The following ITPR1 variants were observed in gnomAD, a reference collection of about 807,000 sequenced individuals.
The protein encoded by ITPR1 is inositol 1,4,5-trisphosphate receptor type 1.
ITPR1 carries 96 observed loss-of-function variants against 318.4 expected under a neutral mutation model. That is an observed-to-expected ratio of 0.30 (90% CI 0.26 to 0.36). The LOEUF (loss-of-function observed/expected upper bound fraction) is 0.36. ITPR1 is among the 10% of genes least tolerant of loss of function. The probability of loss-of-function intolerance (pLI) is 1.00; values close to 1 mark genes in which losing one functional copy is unlikely to be tolerated. For synonymous variants in ITPR1, 1,312 were observed against 1,289.9 expected (o/e 1.02, Z -0.37); for missense variants, 2,440 against 3,460.2 (o/e 0.71, Z 7.40).
At chr3:4,770,135 A>G (rs1465330924) in intron 46 of ITPR1, among the ~76,000 whole-genome samples, 1 of 152,160 alleles carries the variant, frequency 6.6e-6, no homozygotes, top group African/African-American at 2.4e-5. Context: ...GAAAGGAAAT[A>G]ATGCTAGTCC....
At chr3:4,675,845 T>C (rs1435385403) in intron 23 of ITPR1, among the ~76,000 whole-genome samples, 1 of 152,230 alleles carries the variant, frequency 6.6e-6, no homozygotes, top group African/African-American at 2.4e-5. Flanking sequence ...TTGACTTATC[T>C]CTATTTGCTA....
At chr3:4,755,502 G>A (rs547574789) in intron 44 of ITPR1, among the ~76,000 whole-genome samples, 1 of 151,774 alleles carries the variant, frequency 6.6e-6, no homozygotes, top group South Asian at 2.1e-4. Flanking sequence ...GCCTCCGGAA[G>A]TGCTGTGATT....
intron 60 of ITPR1, among the ~76,000 whole-genome samples, chr3:4,823,925 C>T (rs1054329637): frequency 2.6e-5 from 4 of 152,148 alleles, no homozygotes; most frequent in African/African-American, 9.7e-5. Flanking sequence ...ATAGATTTCA[C>T]TTCTATATGT....
At chr3:4,690,650 T>C (rs1269337371) in intron 31 of ITPR1, among the ~76,000 whole-genome samples, 5 of 152,240 alleles carry the variant, frequency 3.3e-5, no homozygotes, top group African/African-American at 9.6e-5. Context: ...ACAGCAACTC[T>C]AGTATTTATA....
In ITPR1 at chr3:4,788,110, A is replaced by G. The variant is rs745310231; in HGVS notation, c.6779A>G (p.Asn2260Ser). The G allele has an allele frequency of 1.0e-5, 16 of 1,606,932 alleles. No homozygotes were observed. Among genetic ancestry groups the G allele is most frequent in the Non-Finnish European group, 1.0e-5 (12 of 1,176,542 alleles). The change falls in exon 52 of 62, where the codon AAT (asparagine) becomes AGT (serine). Residue 2260 changes from asparagine (N) to serine (S), a missense_variant. Physicochemically the swap from Asn to Ser is conservative, Grantham distance 46. Around this residue, in one of 23 missense-constraint regions of ITPR1, gnomAD observed 115 missense variants for 204.5 expected, o/e 0.56. Coordinates refer to ENST00000649015, the MANE Select transcript of ITPR1 (RefSeq NM_001378452.1). ...TTTCTGCGGTCTGAAGACCTCTTCA[A>G]TGAAATGAATTGGCAGAAGAAACTG... ...DFFLRSEDLF[N>S]EMNWQKKLRA...
chr3:4,748,140 C>G (rs954531425), intron 44 of ITPR1, among the ~76,000 whole-genome samples: 2 of 152,216 alleles, frequency 1.3e-5, no homozygotes, highest in Non-Finnish European at 2.9e-5. Flanking sequence ...CTGAAAAAAG[C>G]CATGTGTCTT....
intron 4 of ITPR1, among the ~76,000 whole-genome samples, chr3:4,568,928 G>A (rs561000118): frequency 2.0e-5 from 3 of 152,166 alleles, no homozygotes; most frequent in Non-Finnish European, 4.4e-5. Flanking sequence ...GGAGGCCTCA[G>A]GGAACTTTTA....
intron 4 of ITPR1, among the ~76,000 whole-genome samples, chr3:4,600,270 A>C (rs905062946): frequency 6.6e-6 from 1 of 152,148 alleles, no homozygotes; most frequent in Non-Finnish European, 1.5e-5. Flanking sequence ...TCTGGTACCC[A>C]CAGCCATTCA....
At position 4,537,570 on chromosome 3, in the gene ITPR1, G is replaced by A. The variant is rs9872332; in HGVS notation, c.163+16476G>A. Reference sequence around the variant, plus strand: ...AATTAAGGCTCTTGAGATGGGGAGAGTATCCTGGATTTCCAGGTGTGCCTG... The same window carrying A: ...AATTAAGGCTCTTGAGATGGGGAGAATATCCTGGATTTCCAGGTGTGCCTG... On this transcript the variant is annotated intron_variant, in intron 4 of 61. Transcript: ENST00000649015. Among the ~76,000 whole-genome samples, 1,472 of 152,314 alleles carry A rather than the reference G, an allele frequency of 9.7e-3. 28 individuals carry two copies. Among genetic ancestry groups the A allele is most frequent in the African/African-American group, 0.034 (1,406 of 41,554 alleles).
At chr3:4,611,025 T>TCTTCCCCCCCCCCCCC (rs1465041141) in intron 4 of ITPR1, among the ~76,000 whole-genome samples, 1 of 14,730 alleles carries the variant, frequency 6.8e-5, no homozygotes, top group Non-Finnish European at 1.3e-4. Flanking sequence ...CCCTTCCCCT[T>TCTTCCCCCCCCCCCCC]CCTCCCTCCC....
chr3:4,557,644 A>G (rs2086262415), intron 4 of ITPR1, among the ~76,000 whole-genome samples: 1 of 152,206 alleles, frequency 6.6e-6, no homozygotes, highest in Non-Finnish European at 1.5e-5. Context: ...TTCAAGGATT[A>G]TATATTTCTT....
chr3:4,679,811 T>C (rs538881609), intron 24 of ITPR1, among the ~76,000 whole-genome samples: 1 of 152,288 alleles, frequency 6.6e-6, no homozygotes, highest in African/African-American at 2.4e-5. Flanking sequence ...CAACAGTCTG[T>C]AGGACACATA....
At chr3:4,650,248 T>C (rs1174135317) in intron 10 of ITPR1, among the ~76,000 whole-genome samples, 1 of 152,218 alleles carries the variant, frequency 6.6e-6, no homozygotes, top group East Asian at 1.9e-4. Flanking sequence ...GGGAGCAGAC[T>C]TCTGGGTCAT....
intron 4 of ITPR1, among the ~76,000 whole-genome samples, chr3:4,536,228 G>T (rs1419584384): frequency 6.6e-6 from 1 of 152,060 alleles, no homozygotes; most frequent in Non-Finnish European, 1.5e-5. Flanking sequence ...AACTTCTATT[G>T]TTGTATCTCT....
At chr3:4,629,026 C>T (rs2092929341) in intron 5 of ITPR1, among the ~76,000 whole-genome samples, 1 of 152,276 alleles carries the variant, frequency 6.6e-6, no homozygotes, top group South Asian at 2.1e-4. Context: ...AGCCCAGGCT[C>T]CTCACCTCAG....
At chr3:4,801,001 A>G (rs1299230988) in intron 54 of ITPR1, among the ~76,000 whole-genome samples, 2 of 152,214 alleles carry the variant, frequency 1.3e-5, no homozygotes, top group South Asian at 4.1e-4. Context: ...CACATAGAAA[A>G]GAGGGGATAG....
chr3:4,788,427 A>G (rs1208140283), intron 52 of ITPR1, among the ~76,000 whole-genome samples: 3 of 152,218 alleles, frequency 2.0e-5, no homozygotes, highest in Non-Finnish European at 4.4e-5. Flanking sequence ...ATCTCTATCT[A>G]GAAAATAAAA....
At chr3:4,619,355 T>A (rs1329802236) in intron 4 of ITPR1, among the ~76,000 whole-genome samples, 1 of 152,180 alleles carries the variant, frequency 6.6e-6, no homozygotes, top group Non-Finnish European at 1.5e-5. Flanking sequence ...TCAGTTTCTT[T>A]TCCTGAATTT....
At chr3:4,828,780 T>G (rs1005699080) in intron 60 of ITPR1, among the ~76,000 whole-genome samples, 4 of 152,188 alleles carry the variant, frequency 2.6e-5, no homozygotes, top group African/African-American at 9.6e-5. Context: ...GGAAGGGTGA[T>G]TGGTCATTCC....
Sources: gnomAD v4.1 joint callset for allele counts (sites outside exome capture counted in the v4.1 genomes callset) on GRCh38, gnomAD v4.1.1 for gene constraint, gnomAD v4.1.1 regional missense constraint, MANE v1.5 for transcripts, NCBI Gene and HGNC (gene_info 2026-07-23, HGNC 2026-07-21) for gene names.